The following MLLT3 variants were observed in gnomAD, a reference collection of about 807,000 sequenced individuals.
MLLT3 encodes protein AF-9.
A neutral mutation model predicts 53.2 loss-of-function variants in MLLT3; 4 were observed. The observed-to-expected ratio is 0.08, with a 90% CI of 0.04 to 0.17. The LOEUF (loss-of-function observed/expected upper bound fraction) is 0.17, where lower values mean the gene tolerates loss of function less well. MLLT3 is among the 10% of genes least tolerant of loss of function. The pLI, the probability that MLLT3 is intolerant of heterozygous loss-of-function variation, is 1.00. For missense variants in MLLT3, 569 were observed against 684.0 expected (o/e 0.83, Z 1.87); for synonymous variants, 283 against 230.6 (o/e 1.23, Z -2.06).
At chr9:20,471,409 A>C (rs892335485) in intron 2 of MLLT3, among the ~76,000 whole-genome samples, 2 of 152,002 alleles carry the variant, frequency 1.3e-5, no homozygotes, top group African/African-American at 4.8e-5. Flanking sequence ...TAGGTCTTCC[A>C]CCTATGCGTA....
chr9:20,391,179 G>T (rs1314901374), intron 5 of MLLT3, among the ~76,000 whole-genome samples: 1 of 151,998 alleles, frequency 6.6e-6, no homozygotes, highest in African/African-American at 2.4e-5. Context: ...TGGGGAATTG[G>T]GTAGAAAAAA....
chr9:20,401,524 A>AC (rs1822456253), intron 5 of MLLT3, among the ~76,000 whole-genome samples: 1 of 152,170 alleles, frequency 6.6e-6, no homozygotes, highest in Non-Finnish European at 1.5e-5. Flanking sequence ...TCAGGAATCC[A>AC]GCCCCTTCCT....
chr9:20,590,667 T>C (rs1820105490), intron 2 of MLLT3, among the ~76,000 whole-genome samples: 1 of 152,182 alleles, frequency 6.6e-6, no homozygotes, highest in African/African-American at 2.4e-5. Context: ...TAAACCTCTT[T>C]TCTTTATAAA....
chr9:20,582,986 A>G (rs974170680), intron 2 of MLLT3, among the ~76,000 whole-genome samples: 1 of 152,178 alleles, frequency 6.6e-6, no homozygotes, highest in Non-Finnish European at 1.5e-5. Context: ...AACTCATTTC[A>G]GCACTAACCC....
chr9:20,473,197 T>C (rs986174866), intron 2 of MLLT3, among the ~76,000 whole-genome samples: 3 of 152,152 alleles, frequency 2.0e-5, no homozygotes, highest in Non-Finnish European at 4.4e-5. Context: ...GTTTTCTCTT[T>C]GCAAATCACT....
chr9:20,367,392 G>C (rs1210879069), intron 5 of MLLT3, among the ~76,000 whole-genome samples: 1 of 152,196 alleles, frequency 6.6e-6, no homozygotes, highest in Admixed American at 6.5e-5. Context: ...TTAGGGGTCT[G>C]TCTTGTGCTT....
At chr9:20,348,217 A>C (rs1820926576) in intron 10 of MLLT3, among the ~76,000 whole-genome samples, 1 of 152,112 alleles carries the variant, frequency 6.6e-6, no homozygotes, top group Non-Finnish European at 1.5e-5. Flanking sequence ...CCTAATATCG[A>C]TTTATTCCTT....
At chr9:20,476,442 T>C (rs957654927) in intron 2 of MLLT3, among the ~76,000 whole-genome samples, 1 of 152,132 alleles carries the variant, frequency 6.6e-6, no homozygotes, top group Admixed American at 6.6e-5. Context: ...TATCCACATG[T>C]TCCCTGTTCA....
At chr9:20,355,130 T>G (rs1390386506) in intron 8 of MLLT3, among the ~76,000 whole-genome samples, 1 of 149,888 alleles carries the variant, frequency 6.7e-6, no homozygotes, top group African/African-American at 2.5e-5. Flanking sequence ...ACACAGTTGA[T>G]GATAAGGAAA....
At chr9:20,483,864 C>G (rs540458183) in intron 2 of MLLT3, among the ~76,000 whole-genome samples, 4 of 111,488 alleles carry the variant, frequency 3.6e-5, no homozygotes, top group Admixed American at 1.9e-4. Context: ...CCCAGCACCA[C>G]GCAAGTCTAA....
chr9:20,603,038 T>C (rs187323305), intron 2 of MLLT3, among the ~76,000 whole-genome samples: 18 of 152,084 alleles, frequency 1.2e-4, no homozygotes, highest in South Asian at 4.1e-4. Flanking sequence ...TTTAGATATA[T>C]ACATAAAATA....
At chr9:20,538,845 CAAGTCAAGT>C (rs1818552022) in intron 2 of MLLT3, among the ~76,000 whole-genome samples, 1 of 152,058 alleles carries the variant, frequency 6.6e-6, no homozygotes, top group Non-Finnish European at 1.5e-5. Context: ...CACAATAAAG[CAAGTCAAGT>C]AAATTTTTTG....
rs376168525 is a variant in MLLT3, at chr9:20,492,734, G to A, written c.194-35948C>T. On this transcript the variant is annotated intron_variant, in intron 2 of 10. Transcript: ENST00000380338. ...ACTAAATATCTAAGCAAAAGAATTC[G>A]CCTGAAAACTAAAATCTCTAACTTA... 2.8e-4 allele frequency among the ~76,000 whole-genome samples: 42 copies of A among 151,904 alleles called. No individual in the cohort carries two copies. In the East Asian group the frequency reaches 3.5e-3, roughly 13 times the overall value.
chr9:20,409,830 GT>G (rs1229822915), intron 5 of MLLT3, among the ~76,000 whole-genome samples: 2 of 152,046 alleles, frequency 1.3e-5, no homozygotes, highest in Non-Finnish European at 2.9e-5. Flanking sequence ...ATCACAAAAT[GT>G]ATTTAAAAAT....
chr9:20,474,468 T>C (rs1824472748), intron 2 of MLLT3, among the ~76,000 whole-genome samples: 1 of 152,106 alleles, frequency 6.6e-6, no homozygotes, highest in Non-Finnish European at 1.5e-5. Flanking sequence ...TAAATGGACC[T>C]ACCCTATCTT....
Position 20,574,237 on chromosome 9 carries a change from G to T in MLLT3, c.193+46417C>A, listed in dbSNP as rs74613136. On this transcript the variant is annotated intron_variant, in intron 2 of 10. Transcript: ENST00000380338. ...CCCACTGCTTTATACCAATAAAAAA[G>T]AAACATGACAAACACTTAGAGACAC... Among the ~76,000 whole-genome samples, 5 of 152,220 alleles carry T rather than the reference G, an allele frequency of 3.3e-5. No homozygotes were observed. In the East Asian group the frequency reaches 7.7e-4, roughly 23 times the overall value.
intron 3 of MLLT3, among the ~76,000 whole-genome samples, chr9:20,450,206 C>G (rs560921305): frequency 7.2e-5 from 11 of 152,150 alleles, no homozygotes; most frequent in Non-Finnish European, 1.3e-4. Context: ...TCTCTAAGTT[C>G]TATTTAGTAT....
At chr9:20,573,516 A>T (rs1471765414) in intron 2 of MLLT3, among the ~76,000 whole-genome samples, 1 of 152,304 alleles carries the variant, frequency 6.6e-6, no homozygotes, top group East Asian at 1.9e-4. Flanking sequence ...GACATAATAC[A>T]AATAAAAAAC....
At chr9:20,361,108 C>G (rs1022670586) in intron 7 of MLLT3, among the ~76,000 whole-genome samples, 3 of 152,178 alleles carry the variant, frequency 2.0e-5, no homozygotes, top group Admixed American at 6.5e-5. Context: ...TAGGGTCACA[C>G]AGGTAAAAAT....
Sources: gnomAD v4.1 joint callset for allele counts (sites outside exome capture counted in the v4.1 genomes callset) on GRCh38, gnomAD v4.1.1 for gene constraint, MANE v1.5 for transcripts, NCBI Gene and HGNC (gene_info 2026-07-23, HGNC 2026-07-21) for gene names.